VPS35: variants seen among roughly 807,000 people sequenced by gnomAD.
VPS35 encodes the protein VPS35 retromer complex component, also known as vacuolar protein sorting-associated protein 35.
A neutral mutation model predicts 98.1 loss-of-function variants in VPS35; 21 were observed. The observed-to-expected ratio is 0.21, with a 90% CI of 0.15 to 0.31. The LOEUF (loss-of-function observed/expected upper bound fraction) is 0.31, where lower values mean the gene tolerates loss of function less well. Ranked by LOEUF, VPS35 falls within the 10% of genes least tolerant of loss-of-function variation. The pLI, the probability that VPS35 is intolerant of heterozygous loss-of-function variation, is 1.00. For synonymous variants in VPS35, 268 were observed against 318.2 expected, an observed-to-expected ratio of 0.84 and a Z score of 1.68; for missense variants, 554 against 950.8, an observed-to-expected ratio of 0.58 and a Z score of 5.49.
In VPS35 at chr16:46,680,620, T is replaced by C. The variant is rs1224006006; in HGVS notation, c.506+51A>G. 4 of 1,582,292 alleles carry C rather than the reference T, an allele frequency of 2.5e-6. No individual in the cohort carries two copies. The African/African-American group carries it at 5.4e-5, about 21-fold the overall frequency. ...GTATATGTTTCCACACTTTTATACA[T>C]TCTACAATGAAAGAAATATTGCAAC... is the stretch of plus-strand genomic sequence containing the variant. On this transcript the variant is annotated intron_variant, in intron 5 of 16. Coordinates refer to ENST00000299138, the MANE Select transcript of VPS35 (RefSeq NM_018206.6).
chr16:46,660,092 C>T lies in VPS35; in HGVS notation c.*380G>A, dbSNP rs886052004. 7.2e-5 allele frequency: 13 copies of T among 180,922 alleles called. No homozygotes were observed. The highest frequency in any genetic ancestry group is 6.3e-4 in the Admixed American group (11 of 17,494). The allele number at this position is 180,922 out of a possible 1,614,324, so 11.2% of individuals were successfully genotyped here. A position where few individuals can be genotyped will look rare whatever the true frequency, so the allele number is the denominator to read the frequency against. On this transcript the variant is annotated 3_prime_UTR_variant, in exon 17 of 17. Coordinates refer to ENST00000299138, the MANE Select transcript of VPS35 (RefSeq NM_018206.6). ...CAGACGCTTTTGGGTTAGTACTCCC[C>T]AGGAATGAAGAAAATACACAATCAA...
Position 46,689,118 on chromosome 16 carries a change from C to A in VPS35, c.3+13G>T. The A allele has an allele frequency of 6.2e-7, 1 of 1,608,840 alleles. No homozygotes were observed. On this transcript the variant is annotated intron_variant, in intron 1 of 16. Transcript: ENST00000299138. ...AGGGTCGACCCAGGTGCCACTGCCC[C>A]CTCAGCACTCACCATGGCGACTCCC... is the stretch of plus-strand genomic sequence containing the variant.
Position 46,663,147 on chromosome 16 carries a change from T to C in VPS35, c.1663A>G (p.Lys555Glu). 1.9e-6 allele frequency: 3 copies of C among 1,614,068 alleles called. No homozygotes were observed. The highest frequency in any genetic ancestry group is 2.5e-6 in the Non-Finnish European group (3 of 1,179,950). ...ENSKVDDKWEKKCQKIFSFAH... is the reference protein window; with the variant it reads ...ENSKVDDKWEEKCQKIFSFAH... ...AATGAAAAAATCTTCTGGCATTTCT[T>C]TTCCCATTTGTCATCCTAAAACAAG... Residue 555 changes from lysine (K) to glutamate (E), a missense_variant, in exon 14 of 17, where the codon AAG becomes GAG. Transcript: ENST00000299138.
At chr16:46,668,902 G>C in intron 13 of VPS35, 28 bp downstream of exon 13, 5 of 1,613,380 alleles carry the variant, frequency 3.1e-6, no homozygotes, top group Non-Finnish European at 4.2e-6. Context: ...AGGAAAAAAA[G>C]TACCTAAATA....
intron 12 of VPS35, among the ~76,000 whole-genome samples, 175 bp downstream of exon 12, chr16:46,671,530 G>A (rs750450502): frequency 2.6e-5 from 4 of 151,916 alleles, no homozygotes; most frequent in Non-Finnish European, 5.9e-5. Flanking sequence ...GGAGTGCAGT[G>A]GCACAATCTC....
chr16:46,685,867 T>C (rs557338018), intron 1 of VPS35, among the ~76,000 whole-genome samples: 1 of 152,170 alleles, frequency 6.6e-6, no homozygotes, highest in Non-Finnish European at 1.5e-5. Flanking sequence ...TTATGATACA[T>C]CTGGATATTT....
rs1478606932 is a variant in VPS35, at chr16:46,677,053, CT to C, written c.804+261del. The stretch of plus-strand genomic sequence containing the variant: ...GATTACATGAAAAAAAAAAGAAACA[CT>C]AAAAAAATTTTTTTAATTTTTTATA... On this transcript the variant is annotated intron_variant, in intron 7 of 16. Coordinates refer to ENST00000299138, the MANE Select transcript of VPS35 (RefSeq NM_018206.6). 2.0e-5 allele frequency among the ~76,000 whole-genome samples: 3 copies of C among 151,758 alleles called. No individual in the cohort carries two copies. In the East Asian group the frequency reaches 5.8e-4, roughly 29 times the overall value.
At chr16:46,677,271 G>C (rs1207203364) in intron 7 of VPS35, 44 bp downstream of exon 7, 4 of 1,542,404 alleles carry the variant, frequency 2.6e-6, no homozygotes. Flanking sequence ...TTTAATGAAA[G>C]ATAAAATAGG....
At position 46,672,685 on chromosome 16, in the gene VPS35, G is replaced by A. The variant is rs184273818; in HGVS notation, c.1161-213C>T. Among the ~76,000 whole-genome samples the A allele has an allele frequency of 3.3e-5, 5 of 152,250 alleles. No individual in the cohort carries two copies. The East Asian group carries it at 7.7e-4, about 23-fold the overall frequency. ...ATATATATTCATCTATTATTTTTCT[G>A]TTGATACAAAACTAGATACAGTTTC... On this transcript the variant is annotated intron_variant, in intron 10 of 16. Transcript: ENST00000299138.
chr16:46,675,422 A>G (rs1467415553), intron 8 of VPS35, among the ~76,000 whole-genome samples: 1 of 152,142 alleles, frequency 6.6e-6, no homozygotes, highest in Admixed American at 6.5e-5. Context: ...TTTCATTATC[A>G]TTATCTGTTT....
At chr16:46,680,595 G>T in intron 5 of VPS35, 76 bp downstream of exon 5, 1 of 1,467,868 alleles carries the variant, frequency 6.8e-7, no homozygotes. Context: ...CTTTGTTTCT[G>T]TATATGTTTC....
chr16:46,671,260 G>A (rs552717173), intron 12 of VPS35, among the ~76,000 whole-genome samples: 1 of 151,948 alleles, frequency 6.6e-6, no homozygotes, highest in Non-Finnish European at 1.5e-5. Context: ...TATAAGAATT[G>A]TATTTCTTAT....
chr16:46,664,623 G>A (rs1219699913), intron 13 of VPS35, among the ~76,000 whole-genome samples: 1 of 151,518 alleles, frequency 6.6e-6, no homozygotes, highest in African/African-American at 2.4e-5. Flanking sequence ...CCAGGTTCAA[G>A]TGATTCTCCT....
Position 46,680,923 on chromosome 16 carries a change from C to T in VPS35, c.324-70G>A, listed in dbSNP as rs1157577022. 1.7e-5 allele frequency: 24 copies of T among 1,453,264 alleles called. 1 individual carries two copies. The South Asian group carries it at 2.7e-4, about 16-fold the overall frequency. 90.0% of individuals were successfully genotyped at this position (1,453,264 alleles called of 1,614,324 possible). A position where few individuals can be genotyped will look rare whatever the true frequency, so the allele number is the denominator to read the frequency against. On this transcript the variant is annotated intron_variant, in intron 4 of 16. Transcript: ENST00000299138. ...AATCAAGAATTTATTTCCAAACACA[C>T]TGAACAAAACATTAAATAAACAAGA...
At chr16:46,687,135 C>T (rs1966329125) in intron 1 of VPS35, among the ~76,000 whole-genome samples, 1 of 152,182 alleles carries the variant, frequency 6.6e-6, no homozygotes, top group Non-Finnish European at 1.5e-5. Flanking sequence ...TGTTAGAAAC[C>T]TATTGTGGTT....
intron 1 of VPS35, among the ~76,000 whole-genome samples, 177 bp from the exon 2 acceptor site, chr16:46,683,783 G>A (rs1596725697): frequency 6.6e-6 from 1 of 152,208 alleles, no homozygotes; most frequent in East Asian, 1.9e-4. Flanking sequence ...GGAGTGCAGT[G>A]GTGCCATCTC....
intron 1 of VPS35, chr16:46,688,866 GC>G: frequency 7.0e-7 from 1 of 1,430,506 alleles, no homozygotes; most frequent in East Asian, 2.5e-5. Context: ...GGACCCCAAA[GC>G]CTACATGCCA....
chr16:46,675,212 T>G (rs185552482), intron 8 of VPS35, among the ~76,000 whole-genome samples: 1 of 152,136 alleles, frequency 6.6e-6, no homozygotes, highest in Non-Finnish European at 1.5e-5. Flanking sequence ...TGAAGCATAA[T>G]TAAGCAGATA....
chr16:46,660,839 A>AAAC, intron 16 of VPS35, 188 bp from the exon 17 acceptor site: 1 of 673,982 alleles, frequency 1.5e-6, no homozygotes, highest in Non-Finnish European at 2.6e-6. Flanking sequence ...AAAAAAAAAA[A>AAAC]CAACCCTTTA....
Sources: gnomAD v4.1 joint callset for allele counts (sites outside exome capture counted in the v4.1 genomes callset) on GRCh38, gnomAD v4.1.1 for gene constraint, MANE v1.5 for transcripts, NCBI Gene and HGNC (gene_info 2026-07-23, HGNC 2026-07-21) for gene names.